The following SGCZ variants were observed in gnomAD, a reference collection of about 807,000 sequenced individuals.
The protein encoded by SGCZ is sarcoglycan zeta.
Under a neutral mutation model 41.3 loss-of-function variants are expected in SGCZ, and 40 were observed. The ratio of observed to expected loss-of-function variants is 0.97; its 90% CI spans 0.75 to 1.26. The LOEUF (loss-of-function observed/expected upper bound fraction) is 1.26, where lower values mean the gene tolerates loss of function less well. Among genes scored for constraint, SGCZ ranks in the 50% most tolerant of loss-of-function variants. SGCZ has a pLI of 0.00. For synonymous variants in SGCZ, 206 were observed against 137.5 expected (o/e 1.50, Z -3.49); for missense variants, 552 against 369.8 (o/e 1.49, Z -4.04).
In SGCZ at chr8:14,701,885, A is replaced by G. The variant is rs146824630; in HGVS notation, c.40-146959T>C. Among the ~76,000 whole-genome samples, 1,284 of 152,046 alleles carry G rather than the reference A, an allele frequency of 8.4e-3. 16 individuals carry two copies. The highest frequency in any genetic ancestry group is 0.031 in the Middle Eastern group (9 of 294). On this transcript the variant is annotated intron_variant, in intron 1 of 7. Coordinates refer to ENST00000382080, the MANE Select transcript of SGCZ (RefSeq NM_139167.4). ...TTCTTGATCACTCATCAACCTAAAA[A>G]TATGTGGAAATAGTATCCCATGTTT...
intron 5 of SGCZ, among the ~76,000 whole-genome samples, chr8:14,150,627 C>G (rs1803671235): frequency 6.6e-6 from 1 of 151,646 alleles, no homozygotes; most frequent in Non-Finnish European, 1.5e-5. Flanking sequence ...CCTCAGAAAA[C>G]AAAAAAAATT....
intron 1 of SGCZ, among the ~76,000 whole-genome samples, chr8:15,140,646 T>A (rs2116995554): frequency 6.6e-6 from 1 of 152,328 alleles, no homozygotes; most frequent in Middle Eastern, 3.4e-3. Context: ...TAATTTTATA[T>A]TTACTTTTTT....
chr8:15,206,750 C>A (rs2117148399), intron 1 of SGCZ, among the ~76,000 whole-genome samples: 1 of 152,014 alleles, frequency 6.6e-6, no homozygotes, highest in African/African-American at 2.4e-5. Flanking sequence ...CCCAGCCGGG[C>A]AGAGTCTTTA....
intron 1 of SGCZ, among the ~76,000 whole-genome samples, chr8:14,705,263 A>G (rs1460815937): frequency 6.6e-6 from 1 of 151,998 alleles, no homozygotes; most frequent in Non-Finnish European, 1.5e-5. Flanking sequence ...TTTAAGAACA[A>G]TCAGTATAGG....
chr8:14,522,436 C>T (rs1802818535), intron 2 of SGCZ, among the ~76,000 whole-genome samples: 1 of 151,908 alleles, frequency 6.6e-6, no homozygotes, highest in African/African-American at 2.4e-5. Context: ...TTCAAATATG[C>T]TGTTTCAATT....
At chr8:14,270,290 C>T (rs1003970427) in intron 3 of SGCZ, among the ~76,000 whole-genome samples, 2 of 152,032 alleles carry the variant, frequency 1.3e-5, no homozygotes, top group Non-Finnish European at 2.9e-5. Context: ...CGAGATCATG[C>T]CACTGCACTC....
At chr8:14,808,268 A>C (rs1323521418) in intron 1 of SGCZ, among the ~76,000 whole-genome samples, 1 of 152,202 alleles carries the variant, frequency 6.6e-6, no homozygotes, top group African/African-American at 2.4e-5. Flanking sequence ...GTACAGCAAA[A>C]GAAACTACCA....
At chr8:14,504,684 C>T (rs1486241817) in intron 2 of SGCZ, among the ~76,000 whole-genome samples, 1 of 151,978 alleles carries the variant, frequency 6.6e-6, no homozygotes, top group Non-Finnish European at 1.5e-5. Context: ...TCACAGATGC[C>T]TGACATTCTT....
chr8:14,367,564 G>T (rs560259674), intron 2 of SGCZ, among the ~76,000 whole-genome samples: 1 of 152,078 alleles, frequency 6.6e-6, no homozygotes, highest in African/African-American at 2.4e-5. Flanking sequence ...TTCTGGGGAG[G>T]CCTCAGGAAA....
intron 1 of SGCZ, among the ~76,000 whole-genome samples, chr8:15,177,347 C>T (rs1265026514): frequency 6.6e-6 from 1 of 152,170 alleles, no homozygotes; most frequent in African/African-American, 2.4e-5. Flanking sequence ...GGAAACCAGG[C>T]AGCTGGTGGG....
At chr8:15,024,640 T>C (rs1373078443) in intron 1 of SGCZ, among the ~76,000 whole-genome samples, 1 of 151,998 alleles carries the variant, frequency 6.6e-6, no homozygotes, top group Non-Finnish European at 1.5e-5. Context: ...GCATTAGTAA[T>C]AATAATACAG....
intron 2 of SGCZ, among the ~76,000 whole-genome samples, chr8:14,452,138 T>C (rs1025497347): frequency 6.6e-6 from 1 of 152,202 alleles, no homozygotes; most frequent in Non-Finnish European, 1.5e-5. Context: ...GGAATGTTAT[T>C]CAACACTAAA....
intron 1 of SGCZ, among the ~76,000 whole-genome samples, chr8:15,120,821 T>C (rs1807451160): frequency 2.0e-5 from 3 of 152,226 alleles, no homozygotes; most frequent in Admixed American, 2.0e-4. Flanking sequence ...ATTAAATCAC[T>C]GTCCTATTTG....
At chr8:15,115,999 G>A (rs1165162854) in intron 1 of SGCZ, among the ~76,000 whole-genome samples, 1 of 152,162 alleles carries the variant, frequency 6.6e-6, no homozygotes, top group Non-Finnish European at 1.5e-5. Context: ...GGTCTTTATT[G>A]CAACTGCTCA....
chr8:14,235,614 C>A (rs1005475847), intron 4 of SGCZ, among the ~76,000 whole-genome samples: 2 of 152,110 alleles, frequency 1.3e-5, no homozygotes, highest in African/African-American at 4.8e-5. Flanking sequence ...CAAATGATTG[C>A]TTTGCTCTAT....
chr8:14,688,123 A>T (rs565836299), intron 1 of SGCZ, among the ~76,000 whole-genome samples: 1 of 151,828 alleles, frequency 6.6e-6, no homozygotes, highest in Non-Finnish European at 1.5e-5. Flanking sequence ...GGTTGCGAAA[A>T]TTTTCTCCCA....
At chr8:14,937,269 T>A (rs57199859) in intron 1 of SGCZ, among the ~76,000 whole-genome samples, 24,205 of 151,844 alleles carry the variant, frequency 0.16, 2,188 homozygotes, top group African/African-American at 0.25. Flanking sequence ...ATGTTGCATT[T>A]AATTTGACAA....
intron 4 of SGCZ, among the ~76,000 whole-genome samples, chr8:14,203,597 G>T (rs575593781): frequency 1.3e-5 from 2 of 152,192 alleles, no homozygotes; most frequent in East Asian, 3.9e-4. Flanking sequence ...TCATCACAAG[G>T]CTGAGTCATT....
chr8:14,546,249 C>A (rs1803623149), intron 2 of SGCZ, among the ~76,000 whole-genome samples: 1 of 152,086 alleles, frequency 6.6e-6, no homozygotes, highest in Non-Finnish European at 1.5e-5. Context: ...AAGGTGGAGC[C>A]CTGTCTCATC....
Sources: allele counts gnomAD v4.1 joint callset (sites outside exome capture counted in the v4.1 genomes callset), GRCh38; gene constraint gnomAD v4.1.1; transcripts MANE v1.5; gene names NCBI Gene and HGNC (gene_info 2026-07-23, HGNC 2026-07-21).